The following CTNNA3 variants were observed in gnomAD, a reference collection of about 807,000 sequenced individuals.
CTNNA3 encodes catenin alpha-3.
CTNNA3 carries 76 observed loss-of-function variants against 95.7 expected under a neutral mutation model. That is an observed-to-expected ratio of 0.79 (90% CI 0.66 to 0.96). The LOEUF (loss-of-function observed/expected upper bound fraction) is 0.96, where lower values mean the gene tolerates loss of function less well. CTNNA3 is among the 40% of genes least tolerant of loss of function. The pLI, the probability that CTNNA3 is intolerant of heterozygous loss-of-function variation, is 0.00. For missense variants in CTNNA3, 1,191 were observed against 1,089.8 expected, an observed-to-expected ratio of 1.09 and a Z score of -1.31; for synonymous variants, 431 against 374.4, an observed-to-expected ratio of 1.15 and a Z score of -1.74.
chr10:66,086,027 A>G (rs746935912), intron 14 of CTNNA3, among the ~76,000 whole-genome samples: 9 of 152,178 alleles, frequency 5.9e-5, no homozygotes, highest in Admixed American at 1.3e-4. Context: ...TCTGGTCAGA[A>G]CACACACCAA....
chr10:65,992,506 C>T (rs1392427296), intron 15 of CTNNA3, among the ~76,000 whole-genome samples: 1 of 39,930 alleles, frequency 2.5e-5, no homozygotes, highest in African/African-American at 1.3e-4. Flanking sequence ...TATTCATTTC[C>T]CCTATGTCTT....
At chr10:66,565,819 A>G (rs1842686674) in intron 10 of CTNNA3, among the ~76,000 whole-genome samples, 1 of 152,072 alleles carries the variant, frequency 6.6e-6, no homozygotes, top group Non-Finnish European at 1.5e-5. Context: ...TCATTATTTG[A>G]TTGTTTGCTC....
In CTNNA3 at chr10:66,850,713, T is replaced by C. The variant is rs1039770512; in HGVS notation, c.1048-75189A>G. 1.3e-4 allele frequency among the ~76,000 whole-genome samples: 20 copies of C among 152,220 alleles called. 1 individual carries two copies. The highest frequency in any genetic ancestry group is 3.4e-3 in the Middle Eastern group (1 of 294). ...GTGAAATATAAGAAAGCACACTTAA[T>C]TAAAATAAAAGCTGAAAATTAAAAT... On this transcript the variant is annotated intron_variant, in intron 7 of 17. Transcript: ENST00000433211.
At chr10:66,834,438 C>T (rs201420038) in intron 7 of CTNNA3, among the ~76,000 whole-genome samples, 1 of 152,148 alleles carries the variant, frequency 6.6e-6, no homozygotes. Context: ...GTGATCCTCA[C>T]AATAGTTATA....
At chr10:66,179,072 A>AAAGC (rs1349937802) in intron 13 of CTNNA3, among the ~76,000 whole-genome samples, 1 of 151,990 alleles carries the variant, frequency 6.6e-6, no homozygotes, top group African/African-American at 2.4e-5. Flanking sequence ...AGAGAAAATA[A>AAAGC]AAGCTATGTT....
Position 67,622,649 on chromosome 10 carries a change from A to C in CTNNA3, c.100-15600T>G, listed in dbSNP as rs1843884951. Reference sequence around the variant, plus strand: ...CCACTGGACTTGTACTATTTTAATCAATTAGCTATGGGTTTTCCTATCCTT... The same window carrying C: ...CCACTGGACTTGTACTATTTTAATCCATTAGCTATGGGTTTTCCTATCCTT... On this transcript the variant is annotated intron_variant, in intron 2 of 17. Coordinates refer to ENST00000433211, the MANE Select transcript of CTNNA3 (RefSeq NM_013266.4). 2.6e-5 allele frequency among the ~76,000 whole-genome samples: 4 copies of C among 152,270 alleles called. No homozygotes were observed. In the South Asian group the frequency reaches 8.3e-4, roughly 32 times the overall value.
intron 13 of CTNNA3, among the ~76,000 whole-genome samples, chr10:66,220,564 T>C (rs567875935): frequency 2.6e-5 from 4 of 152,190 alleles, no homozygotes; most frequent in Non-Finnish European, 5.9e-5. Context: ...TAACAGCTCA[T>C]TGTGACAGCC....
At chr10:67,216,319 C>A (rs1864358360) in intron 6 of CTNNA3, among the ~76,000 whole-genome samples, 2 of 152,112 alleles carry the variant, frequency 1.3e-5, no homozygotes, top group South Asian at 4.1e-4. Flanking sequence ...TGCCTTACCA[C>A]AGAAAGGATT....
At chr10:66,036,699 T>C (rs2079570206) in intron 15 of CTNNA3, among the ~76,000 whole-genome samples, 1 of 152,004 alleles carries the variant, frequency 6.6e-6, no homozygotes, top group Non-Finnish European at 1.5e-5. Flanking sequence ...TGATTACAGT[T>C]TGAGAACAAC....
At chr10:67,736,482 GTCTC>G (rs1841303217) in intron 1 of CTNNA3, among the ~76,000 whole-genome samples, 1 of 133,374 alleles carries the variant, frequency 7.5e-6, no homozygotes. Flanking sequence ...TTGAGACGGA[GTCTC>G]TCTCTGTCAC....
chr10:67,554,267 A>G (rs1002482777), intron 3 of CTNNA3, among the ~76,000 whole-genome samples: 1 of 152,218 alleles, frequency 6.6e-6, no homozygotes, highest in African/African-American at 2.4e-5. Context: ...TACTTTGGAT[A>G]TATACCCAGT....
intron 14 of CTNNA3, among the ~76,000 whole-genome samples, chr10:66,078,030 T>A (rs1008605693): frequency 3.1e-4 from 47 of 151,948 alleles, no homozygotes; most frequent in Middle Eastern, 6.8e-3. Flanking sequence ...CTGAGGAGAT[T>A]CTACTTGAGC....
chr10:66,546,716 T>G (rs1361010223), intron 10 of CTNNA3, among the ~76,000 whole-genome samples: 1 of 152,074 alleles, frequency 6.6e-6, no homozygotes, highest in African/African-American at 2.4e-5. Flanking sequence ...GAGGACAGCA[T>G]GGGGGAAGCC....
At chr10:66,109,383 T>G (rs2082031698) in intron 13 of CTNNA3, among the ~76,000 whole-genome samples, 1 of 152,218 alleles carries the variant, frequency 6.6e-6, no homozygotes, top group Non-Finnish European at 1.5e-5. Context: ...GAATCTGTTT[T>G]GTGTATTGTA....
At chr10:66,123,129 G>C (rs1351817638) in intron 13 of CTNNA3, among the ~76,000 whole-genome samples, 2 of 152,102 alleles carry the variant, frequency 1.3e-5, no homozygotes, top group African/African-American at 4.8e-5. Context: ...TCTGAGACAA[G>C]GCAATTTCCT....
At chr10:66,939,444 A>G (rs1847885101) in intron 7 of CTNNA3, among the ~76,000 whole-genome samples, 3 of 152,226 alleles carry the variant, frequency 2.0e-5, no homozygotes, top group Non-Finnish European at 4.4e-5. Flanking sequence ...CATGAAAGCA[A>G]TAATTAAAAT....
chr10:66,225,441 C>T (rs1350492723), intron 13 of CTNNA3, among the ~76,000 whole-genome samples: 5 of 136,410 alleles, frequency 3.7e-5, no homozygotes, highest in Non-Finnish European at 6.2e-5. Context: ...AGTATTCCAT[C>T]GTGTATATAT....
intron 9 of CTNNA3, among the ~76,000 whole-genome samples, chr10:66,648,749 T>C (rs993185642): frequency 2.6e-5 from 4 of 152,132 alleles, no homozygotes; most frequent in Non-Finnish European, 5.9e-5. Flanking sequence ...GAGAAAAAAG[T>C]ACAGGCGTGG....
chr10:67,288,479 A>G (rs560968973), intron 5 of CTNNA3, among the ~76,000 whole-genome samples: 3 of 152,322 alleles, frequency 2.0e-5, no homozygotes, highest in East Asian at 3.8e-4. Context: ...TAATCATAAT[A>G]TAAACAATGA....
Sources: allele counts gnomAD v4.1 joint callset (sites outside exome capture counted in the v4.1 genomes callset), GRCh38; gene constraint gnomAD v4.1.1; transcripts MANE v1.5; gene names NCBI Gene and HGNC (gene_info 2026-07-23, HGNC 2026-07-21).